Variants in ARX observed in about 807,000 individuals in gnomAD.
ARX encodes the protein aristaless related homeobox.
In ARX, 1 loss-of-function variant was observed where a neutral mutation model predicts 23.1. The observed-to-expected ratio is 0.04, with a 90% confidence interval of 0.02 to 0.21. The LOEUF (loss-of-function observed/expected upper bound fraction) is 0.21, where lower values mean the gene tolerates loss of function less well. Ranked by LOEUF, ARX falls within the 10% of genes least tolerant of loss-of-function variation. ARX has a pLI of 1.00. For synonymous variants in ARX, 301 were observed against 270.1 expected, an observed-to-expected ratio of 1.11 and a Z score of -1.12; for missense variants, 380 against 527.5, an observed-to-expected ratio of 0.72 and a Z score of 2.74.
rs776523818 is a variant in ARX, at chrX:25,007,373, G to A, written c.1186C>T (p.Pro396Ser). ...REKAGAQTHP[P>S]GLPFPGPLSA... ...AGCGGCCCCGGGAAGGGCAGCCCAGGGGGGTGGGTCTGCGCGCCTGCCTTC... is the reference window on the plus strand; with the variant it reads ...AGCGGCCCCGGGAAGGGCAGCCCAGAGGGGTGGGTCTGCGCGCCTGCCTTC... Residue 396 changes from proline (P) to serine (S), a missense_variant, in exon 4 of 5, where the codon CCT becomes TCT. Physicochemically the swap from Pro to Ser is moderately conservative, Grantham distance 74. This residue lies in a region of ARX where 121 missense variants were observed against 169.7 expected (regional missense o/e 0.71). Coordinates refer to ENST00000379044, the MANE Select transcript of ARX (RefSeq NM_139058.3). 5 of 1,154,126 alleles carry A rather than the reference G, an allele frequency of 4.3e-6. No homozygotes were observed. In the East Asian group the frequency reaches 1.3e-4, roughly 31 times the overall value.
intron 3 of ARX, among the ~76,000 whole-genome samples, chrX:25,009,748 C>T (rs780935343): frequency 8.9e-6 from 1 of 111,980 alleles, no homozygotes; most frequent in Non-Finnish European, 1.9e-5. Context: ...TAGCCAGCTC[C>T]TTGTGCGGGG....
In ARX at chrX:25,007,219, G is replaced by T; in HGVS notation, c.1340C>A (p.Pro447His). 1 of 1,151,547 alleles carries T rather than the reference G, an allele frequency of 8.7e-7. No homozygotes were observed. Among genetic ancestry groups the T allele is most frequent in the East Asian group, 3.3e-5 (1 of 29,855 alleles). 94.9% of individuals were successfully genotyped at this position (1,151,547 alleles called of 1,213,427 possible). The change falls in exon 4 of 5, where the codon CCT becomes CAT. Residue 447 changes from proline to histidine, a missense_variant. This residue lies in a region of ARX where 121 missense variants were observed against 169.7 expected (regional missense o/e 0.71). Transcript: ENST00000379044. The stretch of plus-strand genomic sequence containing the variant: ...GGGCGGCAGGCTGGCCGAGCCCGGA[G>T]GCGGAGGTAGGCTCGGGAAGGCGGC... The part of the protein sequence containing the change: ...AAAAFPSLPP[P>H]PGSASLPPSG...
chrX:25,007,488 G>A (rs1313806090), intron 3 of ARX, 49 bp from the exon 4 acceptor site: 8 of 1,131,476 alleles, frequency 7.1e-6, no homozygotes, highest in African/African-American at 1.9e-5. Flanking sequence ...CCCGGCGGGC[G>A]CACCGGGCCC....
intron 3 of ARX, among the ~76,000 whole-genome samples, chrX:25,007,909 T>C (rs1194745237): frequency 2.7e-5 from 3 of 111,434 alleles, no homozygotes; most frequent in Non-Finnish European, 5.7e-5. Context: ...ATGCATTCAA[T>C]GGTGACTCTA....
Position 25,007,335 on chromosome X carries a change from G to T in ARX, c.1224C>A (p.His408Gln). 8.7e-7 allele frequency: 1 copy of T among 1,143,819 alleles called. No homozygotes were observed. Among genetic ancestry groups the T allele is most frequent in the Non-Finnish European group, 1.2e-6 (1 of 867,012 alleles). 94.3% of individuals were successfully genotyped at this position (1,143,819 alleles called of 1,213,427 possible). ...LPFPGPLSATHPLSPYLDASP... is the reference protein window; with the variant it reads ...LPFPGPLSATQPLSPYLDASP... ...TGGCGTCCAGGTAGGGGCTGAGCGGGTGGGTGGCGGAGAGCGGCCCCGGGA... is the reference window on the plus strand; with the variant it reads ...TGGCGTCCAGGTAGGGGCTGAGCGGTTGGGTGGCGGAGAGCGGCCCCGGGA... Residue 408 changes from histidine (H) to glutamine (Q), a missense_variant, in exon 4 of 5, where the codon CAC (histidine) becomes CAA (glutamine). Physicochemically the swap from His to Gln is conservative, Grantham distance 24. Transcript: ENST00000379044.
intron 4 of ARX, 56 bp from the exon 5 acceptor site, chrX:25,004,966 G>GA (rs1361673663): frequency 1.4e-4 from 148 of 1,060,188 alleles, no homozygotes; most frequent in Non-Finnish European, 1.7e-4. Flanking sequence ...GCGGCGCCTC[G>GA]GGCAGCGTCT....
intron 1 of ARX, among the ~76,000 whole-genome samples, chrX:25,014,524 TG>T (rs942435075): frequency 9.0e-6 from 1 of 111,284 alleles, no homozygotes; most frequent in African/African-American, 3.3e-5. Flanking sequence ...CGGGAGAGGG[TG>T]GGGGGGCTTC....
At chrX:25,007,962 A>T (rs1221412175) in intron 3 of ARX, among the ~76,000 whole-genome samples, 1 of 111,788 alleles carries the variant, frequency 8.9e-6, no homozygotes, top group Non-Finnish European at 1.9e-5. Flanking sequence ...TGCTTGTTTT[A>T]CTGCATATCA....
rs952399658 is a variant in ARX at position 25,003,948 on chromosome X, A to C, written c.*722T>G. 1.8e-5 allele frequency: 2 copies of C among 109,072 alleles called. No individual in the cohort carries two copies. Among genetic ancestry groups the C allele is most frequent in the Non-Finnish European group, 3.8e-5 (2 of 52,427 alleles). 9.0% of individuals were successfully genotyped at this position (109,072 alleles called of 1,213,427 possible). ...ACTTTTACCATACCACGCTGAGTGC[A>C]ATTGCGTTATAACATTTCAAATATA... On this transcript the variant is annotated 3_prime_UTR_variant, in exon 5 of 5. Transcript: ENST00000379044.
At chrX:25,014,850 A>G (rs1338339547) in intron 1 of ARX, among the ~76,000 whole-genome samples, 1 of 112,340 alleles carries the variant, frequency 8.9e-6, no homozygotes, top group Non-Finnish European at 1.9e-5. Flanking sequence ...AAACTTGAGG[A>G]TAACAGGTTC....
At chrX:25,007,554 C>T in intron 3 of ARX, 115 bp from the exon 4 acceptor site, 10 of 930,767 alleles carry the variant, frequency 1.1e-5, no homozygotes, top group Non-Finnish European at 1.4e-5. Flanking sequence ...CACCGCGGCC[C>T]GCGCCCACCT....
rs794727656 is a variant in ARX at position 25,007,290 on chromosome X, G to A, written c.1269C>T (p.His423=). The change falls in exon 4 of 5, where the codon CAC becomes CAT. Residue 423 remains histidine, a synonymous_variant. Coordinates refer to ENST00000379044, the MANE Select transcript of ARX (RefSeq NM_139058.3). ...CAGTCCAAGCGGAGTCGAGCGCCGG[G>A]TGGTGCGGAGGGAAGGGGCTGGCGT... ...YLDASPFPPH[H]PALDSAWTAA... 152 of 1,118,457 alleles carry A rather than the reference G, an allele frequency of 1.4e-4. 1 individual carries two copies. Among genetic ancestry groups the A allele is most frequent in the African/African-American group, 2.1e-4 (11 of 52,341 alleles). The allele number at this position is 1,118,457 out of a possible 1,213,427, so 92.2% of individuals were successfully genotyped here.
chrX:25,006,452 T>C (rs1188496327), intron 4 of ARX: 1 of 112,996 alleles, frequency 8.8e-6, no homozygotes, highest in Non-Finnish European at 1.9e-5. Flanking sequence ...TTTGTTTCTT[T>C]GTCTGTGTGA....
At position 25,010,152 on chromosome X, in the gene ARX, T is replaced by C. The variant is rs2048695750; in HGVS notation, c.1119+108A>G. 5 of 890,676 alleles carry C rather than the reference T, an allele frequency of 5.6e-6. No individual in the cohort carries two copies. The African/African-American group carries it at 9.9e-5, about 18-fold the overall frequency. The allele number at this position is 890,676 out of a possible 1,213,427, so 73.4% of individuals were successfully genotyped here. A position where few individuals can be genotyped will look rare whatever the true frequency, so the allele number is the denominator to read the frequency against. ...TTTCTGATCCTGCTTCTCTTGGTTT[T>C]GTGAAGGGGATCTCACCCCCCGCAC... On this transcript the variant is annotated intron_variant, in intron 3 of 4. Coordinates refer to ENST00000379044, the MANE Select transcript of ARX (RefSeq NM_139058.3).
In ARX at chrX:25,004,650, G is replaced by A. The variant is rs758087464; in HGVS notation, c.*20C>T. 28 of 1,163,558 alleles carry A rather than the reference G, an allele frequency of 2.4e-5. No individual in the cohort carries two copies. Among genetic ancestry groups the A allele is most frequent in the Admixed American group, 5.2e-5 (2 of 38,786 alleles). ...TGACCTTTCGGGGCGCGCGCGGGGC[G>A]CGGGTGTGGAGGGCAGCCTTTAGCA... On this transcript the variant is annotated 3_prime_UTR_variant, in exon 5 of 5. Coordinates refer to ENST00000379044, the MANE Select transcript of ARX (RefSeq NM_139058.3).
intron 1 of ARX, among the ~76,000 whole-genome samples, chrX:25,015,320 C>T (rs2048721993): frequency 9.0e-6 from 1 of 111,466 alleles, no homozygotes; most frequent in African/African-American, 3.3e-5. Context: ...AAGCTAAAGG[C>T]TCCCTAAGCG....
Position 25,004,800 on chromosome X carries a change from G to T in ARX, c.1559C>A (p.Pro520Gln). Residue 520 changes from proline to glutamine, a missense_variant, in exon 5 of 5, where the codon CCG (proline) becomes CAG (glutamine). Coordinates refer to ENST00000379044, the MANE Select transcript of ARX (RefSeq NM_139058.3). ...GAVASGALAD[P>Q]ATAAADRRAS... Reference sequence around the variant, plus strand: ...GCGTCTGTCTGCGGCCGCCGTGGCCGGGTCGGCCAGGGCGCCCGATGCCAC... The same window carrying T: ...GCGTCTGTCTGCGGCCGCCGTGGCCTGGTCGGCCAGGGCGCCCGATGCCAC... 1 of 1,172,676 alleles carries T rather than the reference G, an allele frequency of 8.5e-7. No individual in the cohort carries two copies. The highest frequency in any genetic ancestry group is 1.8e-5 in the African/African-American group (1 of 56,997).
In ARX at chrX:25,013,377, G is replaced by A; in HGVS notation, c.618C>T (p.Gly206=). Reference sequence around the variant, plus strand: ...GGGCGCTGCCCGGGCCGCCGGCCACGCCGAGGCGCTCCTCCGGGTGCGTGA... The same window carrying A: ...GGGCGCTGCCCGGGCCGCCGGCCACACCGAGGCGCTCCTCCGGGTGCGTGA... ...GGVTHPEERL[G]VAGGPGSAPA... The change falls in exon 2 of 5, where the codon GGC becomes GGT. Residue 206 remains glycine, a synonymous_variant. Transcript: ENST00000379044. 4.4e-6 allele frequency: 5 copies of A among 1,133,677 alleles called. No homozygotes were observed. The highest frequency in any genetic ancestry group is 5.8e-6 in the Non-Finnish European group (5 of 863,364). 93.4% of individuals were successfully genotyped at this position (1,133,677 alleles called of 1,213,427 possible).
Position 25,004,419 on chromosome X carries a change from T to C in ARX, c.*251A>G. 1 of 402,749 alleles carries C rather than the reference T, an allele frequency of 2.5e-6. No homozygotes were observed. Among genetic ancestry groups the C allele is most frequent in the Non-Finnish European group, 4.3e-6 (1 of 234,146 alleles). 33.2% of individuals were successfully genotyped at this position (402,749 alleles called of 1,213,427 possible). On this transcript the variant is annotated 3_prime_UTR_variant, in exon 5 of 5. Coordinates refer to ENST00000379044, the MANE Select transcript of ARX (RefSeq NM_139058.3). Reference sequence around the variant, plus strand: ...GAAAGTAAGAACAAGAGAGAGTGGATGTTGGAGTTGGAGCGAGGTTGGCAG... The same window carrying C: ...GAAAGTAAGAACAAGAGAGAGTGGACGTTGGAGTTGGAGCGAGGTTGGCAG...
Sources: allele counts gnomAD v4.1 joint callset (sites outside exome capture counted in the v4.1 genomes callset), GRCh38; gene constraint gnomAD v4.1.1; regional missense constraint gnomAD v4.1.1; transcripts MANE v1.5; gene names NCBI Gene and HGNC (gene_info 2026-07-23, HGNC 2026-07-21).